The following PACRG variants were observed in gnomAD, a reference collection of about 807,000 sequenced individuals.
PACRG encodes parkin coregulated.
In PACRG, 29 loss-of-function variants were observed where a neutral mutation model predicts 29.7. The observed-to-expected ratio is 0.98, with a 90% CI of 0.73 to 1.33. The LOEUF (loss-of-function observed/expected upper bound fraction) is 1.33, where lower values mean the gene tolerates loss of function less well. PACRG is among the 40% of genes most tolerant of loss of function. PACRG has a pLI of 0.00. For synonymous variants in PACRG, 116 were observed against 118.7 expected (o/e 0.98, Z 0.15); for missense variants, 279 against 316.2 (o/e 0.88, Z 0.89).
chr6:163,290,514 C>A (rs1411568647), intron 4 of PACRG, among the ~76,000 whole-genome samples: 1 of 152,186 alleles, frequency 6.6e-6, no homozygotes, highest in African/African-American at 2.4e-5. Flanking sequence ...CTGAGCGCCC[C>A]GCAGCCTGCC....
Position 163,177,710 on chromosome 6 carries a change from ATTT to A in PACRG, c.613+88327_613+88329del, listed in dbSNP as rs398003265. 5.6e-4 allele frequency among the ~76,000 whole-genome samples: 30 copies of A among 53,738 alleles called. 1 individual carries two copies. In the South Asian group the frequency reaches 6.0e-3, roughly 11 times the overall value. 35.3% of individuals were successfully genotyped at this position (53,738 alleles called of 152,430 possible). On this transcript the variant is annotated intron_variant, in intron 4 of 4. Transcript: ENST00000366888. Reference sequence around the variant, plus strand: ...TGTTAGCTAAGAAATTAGAAAAGGGATTTTTTTTTTTTTTTTTTTTTTTTTTTG... The same window carrying A: ...TGTTAGCTAAGAAATTAGAAAAGGGATTTTTTTTTTTTTTTTTTTTTTTTG...
chr6:162,961,377 G>T (rs1212114122), intron 2 of PACRG, among the ~76,000 whole-genome samples: 1 of 152,194 alleles, frequency 6.6e-6, no homozygotes, highest in African/African-American at 2.4e-5. Flanking sequence ...CATGACAGCA[G>T]GTGAAGTTGA....
At chr6:163,107,313 A>G (rs566648407) in intron 4 of PACRG, among the ~76,000 whole-genome samples, 1 of 152,198 alleles carries the variant, frequency 6.6e-6, no homozygotes, top group Non-Finnish European at 1.5e-5. Context: ...TAAGGCAGAG[A>G]TGCATTGAAA....
chr6:163,227,319 C>G (rs1425566862), intron 4 of PACRG, among the ~76,000 whole-genome samples: 1 of 152,126 alleles, frequency 6.6e-6, no homozygotes, highest in Non-Finnish European at 1.5e-5. Flanking sequence ...AACCAGACCT[C>G]ACCAGTACTC....
At chr6:162,761,419 T>C (rs1445570441) in intron 1 of PACRG, among the ~76,000 whole-genome samples, 3 of 152,136 alleles carry the variant, frequency 2.0e-5, no homozygotes, top group Admixed American at 6.5e-5. Context: ...ATTTATTTGC[T>C]TGTCAGTATG....
At chr6:163,066,407 G>A (rs759630031) in intron 3 of PACRG, among the ~76,000 whole-genome samples, 6 of 152,168 alleles carry the variant, frequency 3.9e-5, no homozygotes, top group Non-Finnish European at 5.9e-5. Context: ...CTCACAGCAA[G>A]TAAAGCACAG....
At chr6:163,196,792 A>AGAC (rs1562958974) in intron 4 of PACRG, among the ~76,000 whole-genome samples, 1 of 151,692 alleles carries the variant, frequency 6.6e-6, no homozygotes, top group African/African-American at 2.4e-5. Context: ...GACAGACAGA[A>AGAC]AGACTAGACA....
chr6:162,746,110 A>T (rs1427481421), intron 1 of PACRG, among the ~76,000 whole-genome samples: 7 of 152,192 alleles, frequency 4.6e-5, no homozygotes, highest in African/African-American at 1.4e-4. Flanking sequence ...ATGGCTAACT[A>T]CCTTACTTTT....
At chr6:162,781,933 A>G (rs890830983) in intron 1 of PACRG, among the ~76,000 whole-genome samples, 2 of 151,908 alleles carry the variant, frequency 1.3e-5, no homozygotes, top group African/African-American at 4.8e-5. Context: ...ATTATATTAA[A>G]TGTAAATGGT....
At chr6:162,811,507 CA>C (rs1786864217) in intron 1 of PACRG, among the ~76,000 whole-genome samples, 1 of 151,936 alleles carries the variant, frequency 6.6e-6, no homozygotes, top group African/African-American at 2.4e-5. Context: ...AACTCCATAT[CA>C]AAAGGTGACA....
intron 4 of PACRG, among the ~76,000 whole-genome samples, chr6:163,237,520 AC>A (rs1782298078): frequency 6.6e-6 from 1 of 152,214 alleles, no homozygotes; most frequent in Non-Finnish European, 1.5e-5. Flanking sequence ...AAAATGCTCA[AC>A]TTTTGTTGAA....
At chr6:162,943,038 C>T (rs1490225527) in intron 2 of PACRG, among the ~76,000 whole-genome samples, 3 of 152,276 alleles carry the variant, frequency 2.0e-5, no homozygotes, top group Non-Finnish European at 4.4e-5. Context: ...TGAGAGACCC[C>T]CAGCTGACCA....
intron 1 of PACRG, among the ~76,000 whole-genome samples, chr6:162,763,171 G>C (rs1782510506): frequency 6.6e-6 from 1 of 152,180 alleles, no homozygotes; most frequent in South Asian, 2.1e-4. Context: ...GGAGAGTATA[G>C]CTCTGCTTTT....
chr6:163,089,778 A>T (rs1488765899), intron 4 of PACRG, among the ~76,000 whole-genome samples: 1 of 152,178 alleles, frequency 6.6e-6, no homozygotes, highest in Non-Finnish European at 1.5e-5. Context: ...TTACAATTTC[A>T]GTCAGCTTTT....
At chr6:163,236,636 G>A (rs1017572849) in intron 4 of PACRG, among the ~76,000 whole-genome samples, 4 of 152,172 alleles carry the variant, frequency 2.6e-5, no homozygotes, top group African/African-American at 4.8e-5. Flanking sequence ...TCTGCTATGG[G>A]ACTGAAAAGA....
At chr6:162,914,854 G>T (rs1438057474) in intron 2 of PACRG, among the ~76,000 whole-genome samples, 1 of 151,720 alleles carries the variant, frequency 6.6e-6, no homozygotes, top group Non-Finnish European at 1.5e-5. Context: ...AATATTTTCA[G>T]CTAGTATATA....
chr6:162,810,675 C>A (rs914170588), intron 1 of PACRG, among the ~76,000 whole-genome samples: 3 of 152,104 alleles, frequency 2.0e-5, no homozygotes, highest in Non-Finnish European at 4.4e-5. Context: ...TTGGGCTCAA[C>A]AGCAGAATGC....
At chr6:162,876,867 A>G (rs1392890825) in intron 2 of PACRG, among the ~76,000 whole-genome samples, 1 of 152,198 alleles carries the variant, frequency 6.6e-6, no homozygotes, top group Non-Finnish European at 1.5e-5. Flanking sequence ...TCTTTAATCC[A>G]TCTTGAGTTA....
intron 1 of PACRG, among the ~76,000 whole-genome samples, chr6:162,748,079 T>C (rs1448869370): frequency 6.6e-6 from 1 of 152,202 alleles, no homozygotes; most frequent in Non-Finnish European, 1.5e-5. Context: ...TTTTTAACCA[T>C]AGATCTCACC....
Sources: allele counts gnomAD v4.1 joint callset (sites outside exome capture counted in the v4.1 genomes callset), GRCh38; gene constraint gnomAD v4.1.1; transcripts MANE v1.5; gene names NCBI Gene and HGNC (gene_info 2026-07-23, HGNC 2026-07-21).